The following CACNA1C variants were observed in gnomAD, a reference collection of about 807,000 sequenced individuals.
CACNA1C encodes the protein voltage-dependent L-type calcium channel subunit alpha-1C.
In CACNA1C, 30 loss-of-function variants were observed where a neutral mutation model predicts 229.0. The observed-to-expected ratio is 0.13, with a 90% CI of 0.10 to 0.18. The LOEUF (loss-of-function observed/expected upper bound fraction) is 0.18. Among genes scored for constraint, CACNA1C ranks in the 10% least tolerant of loss-of-function variants. CACNA1C has a pLI of 1.00. For missense variants in CACNA1C, 1,658 were observed against 2,845.0 expected (o/e 0.58, Z 9.49); for synonymous variants, 1,114 against 1,132.5 (o/e 0.98, Z 0.33).
intron 3 of CACNA1C, among the ~76,000 whole-genome samples, chr12:2,335,875 GT>G (rs759740740): frequency 9.9e-5 from 15 of 151,830 alleles, no homozygotes; most frequent in African/African-American, 2.7e-4. Context: ...TGGTATAGAT[GT>G]TTTTCCCAAA....
At position 2,493,275 on chromosome 12, in the gene CACNA1C, C is replaced by T. The variant is rs112002520; in HGVS notation, c.1002C>T (p.Pro334=). The T allele has an allele frequency of 1.9e-4, 302 of 1,614,036 alleles. No individual in the cohort carries two copies. The highest frequency in any genetic ancestry group is 1.2e-3 in the East Asian group (56 of 44,876). The change falls in exon 7 of 47, where the codon CCC becomes CCT. Residue 334 remains proline, a synonymous_variant. Transcript: ENST00000399655. The surrounding 1 kb of genome is among the most constrained non-coding windows in gnomAD (Gnocchi z 4.6). Reference sequence around the variant, plus strand: ...GCCAGAACGGCACGGTGTGCAAGCCCGGCTGGGATGGTCCCAAGCACGGCA... The same window carrying T: ...GCCAGAACGGCACGGTGTGCAAGCCTGGCTGGGATGGTCCCAAGCACGGCA... The part of the protein sequence containing the change: ...RQCQNGTVCK[P]GWDGPKHGIT...
intron 31 of CACNA1C, among the ~76,000 whole-genome samples, chr12:2,650,671 C>A (rs931602457): frequency 6.6e-6 from 1 of 152,154 alleles, no homozygotes; most frequent in Admixed American, 6.5e-5. Flanking sequence ...GCCCGTCCTG[C>A]CCCCTGAGCC....
At chr12:2,484,717 G>A (rs2154570322) in intron 5 of CACNA1C, among the ~76,000 whole-genome samples, 1 of 122,176 alleles carries the variant, frequency 8.2e-6, no homozygotes, top group South Asian at 2.6e-4. Flanking sequence ...CCCACCCCCA[G>A]CAGATGCCCT....
chr12:2,128,346 C>T (rs1345054502), intron 3 of CACNA1C, among the ~76,000 whole-genome samples: 1 of 152,080 alleles, frequency 6.6e-6, no homozygotes, highest in Non-Finnish European at 1.5e-5. Flanking sequence ...TAAAAACAAA[C>T]AAAATTTGGT....
chr12:2,549,902 C>A, intron 9 of CACNA1C, 41 bp from the exon 10 acceptor site: 1 of 1,417,024 alleles, frequency 7.1e-7, no homozygotes, highest in Non-Finnish European at 9.8e-7. Context: ...CTTGTCTCCC[C>A]ACCCTCAATG....
At chr12:2,606,860 A>G (rs900531482) in intron 25 of CACNA1C, 124 bp from the exon 26 acceptor site, 3 of 1,187,824 alleles carry the variant, frequency 2.5e-6, no homozygotes, top group Admixed American at 2.1e-5. Context: ...AGCTCCTCCC[A>G]TGGCTAGAAC....
chr12:2,437,430 A>G lies in CACNA1C; in HGVS notation c.478-11546A>G, dbSNP rs143125236. Among the ~76,000 whole-genome samples the G allele has an allele frequency of 2.6e-5, 4 of 152,344 alleles. No homozygotes were observed. In the East Asian group the frequency reaches 5.8e-4, roughly 22 times the overall value. On this transcript the variant is annotated intron_variant, in intron 3 of 46. Coordinates refer to ENST00000399655, the MANE Select transcript of CACNA1C (RefSeq NM_000719.7). ...CCAGCTTTCCCTCTAATCACAAACA[A>G]TGGGAAAAAAACATTAAACTCAACA...
intron 5 of CACNA1C, among the ~76,000 whole-genome samples, chr12:2,471,607 G>C (rs2099593009): frequency 6.6e-6 from 1 of 152,066 alleles, no homozygotes; most frequent in Non-Finnish European, 1.5e-5. Flanking sequence ...TTGATTGACA[G>C]GTTTTTTTTT....
At position 2,513,569 on chromosome 12, in the gene CACNA1C, A is replaced by G. The variant is rs530987311; in HGVS notation, c.1390+585A>G. Among the ~76,000 whole-genome samples, 4 of 152,340 alleles carry G rather than the reference A, an allele frequency of 2.6e-5. No individual in the cohort carries two copies. In the South Asian group the frequency reaches 6.2e-4, roughly 24 times the overall value. On this transcript the variant is annotated intron_variant, in intron 9 of 46. Coordinates refer to ENST00000399655, the MANE Select transcript of CACNA1C (RefSeq NM_000719.7). ...CAATTAGGTGATGGAAGTTGAGCCA[A>G]TTCCCTTCCTTGGGGGTTCACGTGG...
At chr12:2,531,616 TTGGC>T (rs1196077698) in intron 9 of CACNA1C, among the ~76,000 whole-genome samples, 4 of 152,200 alleles carry the variant, frequency 2.6e-5, no homozygotes, top group Non-Finnish European at 5.9e-5. Context: ...TTCTCCCATC[TTGGC>T]CAGGCAGCAG....
chr12:2,500,118 CTCATCTG>C (rs953402309), intron 7 of CACNA1C, among the ~76,000 whole-genome samples: 3 of 152,178 alleles, frequency 2.0e-5, no homozygotes, highest in African/African-American at 7.2e-5. Context: ...GTCTCCATCT[CTCATCTG>C]TCCTCCTGCT....
Position 2,679,372 on chromosome 12 carries a change from C to A in CACNA1C, c.5092-72C>A. ...CAGGCCCTGCACTTCCCTGACCTGGCTGTGGAGGCTGCTCTCTGGGAGGAG... is the reference window on the plus strand; with the variant it reads ...CAGGCCCTGCACTTCCCTGACCTGGATGTGGAGGCTGCTCTCTGGGAGGAG... On this transcript the variant is annotated intron_variant, in intron 41 of 46. Coordinates refer to ENST00000399655, the MANE Select transcript of CACNA1C (RefSeq NM_000719.7). The surrounding 1 kb of genome is among the most constrained non-coding windows in gnomAD (Gnocchi z 5.5). The A allele has an allele frequency of 8.7e-7, 1 of 1,149,854 alleles. No homozygotes were observed. The highest frequency in any genetic ancestry group is 1.2e-6 in the Non-Finnish European group (1 of 826,304). The allele number at this position is 1,149,854 out of a possible 1,614,324, so 71.2% of individuals were successfully genotyped here.
chr12:2,547,559 G>C, intron 9 of CACNA1C: 1 of 778,030 alleles, frequency 1.3e-6, no homozygotes, highest in Non-Finnish European at 2.4e-6. Context: ...GTGTAAATGC[G>C]TGTGGGTGCA....
At chr12:2,440,661 C>T (rs2099214728) in intron 3 of CACNA1C, among the ~76,000 whole-genome samples, 1 of 152,222 alleles carries the variant, frequency 6.6e-6, no homozygotes, top group Non-Finnish European at 1.5e-5. Context: ...GGGTTTCAGA[C>T]AGTCCATGGA....
Position 2,202,361 on chromosome 12 carries a change from C to T in CACNA1C, c.477+81931C>T, listed in dbSNP as rs143030298. 7.9e-5 allele frequency among the ~76,000 whole-genome samples: 12 copies of T among 152,314 alleles called. No individual in the cohort carries two copies. The East Asian group carries it at 1.2e-3, about 15-fold the overall frequency. ...TCCTAATTTCATGAAGCCTGGTCCCCGTTTGCCTCCAGCTAATCAATGCTA... is the reference window on the plus strand; with the variant it reads ...TCCTAATTTCATGAAGCCTGGTCCCTGTTTGCCTCCAGCTAATCAATGCTA... On this transcript the variant is annotated intron_variant, in intron 3 of 46. Coordinates refer to ENST00000399655, the MANE Select transcript of CACNA1C (RefSeq NM_000719.7).
intron 1 of CACNA1C, among the ~76,000 whole-genome samples, chr12:2,071,172 C>CCCTCCCTCCCTTCCTGCCTGCCTGCCTG (rs1555115765): frequency 1.2e-4 from 2 of 16,042 alleles, no homozygotes; most frequent in African/African-American, 3.9e-4. Flanking sequence ...CTCCCTCCCT[C>CCCTCCCTCCCTTCCTGCCTGCCTGCCTG]CCTGCCTGCC....
intron 46 of CACNA1C, 24 bp downstream of exon 46, chr12:2,688,803 G>A (rs556287674): frequency 2.0e-6 from 3 of 1,468,868 alleles, no homozygotes; most frequent in South Asian, 1.4e-5. Flanking sequence ...AGATGGGCAG[G>A]GGGGAGAGGC....
chr12:2,588,832 A>G (rs576825892), intron 18 of CACNA1C, among the ~76,000 whole-genome samples: 6 of 152,336 alleles, frequency 3.9e-5, no homozygotes, highest in Admixed American at 3.9e-4. Flanking sequence ...AGATGTTTGC[A>G]AGAGCCACTA....
chr12:2,682,754 G>A (rs1325517341), intron 43 of CACNA1C, 76 bp downstream of exon 43: 8 of 1,472,560 alleles, frequency 5.4e-6, no homozygotes, highest in African/African-American at 1.5e-5. Context: ...AGGTCCCTGA[G>A]ATCCCTCCTC....
Sources: allele counts gnomAD v4.1 joint callset (sites outside exome capture counted in the v4.1 genomes callset), GRCh38; gene constraint gnomAD v4.1.1; non-coding constraint Gnocchi (gnomAD v3.1); transcripts MANE v1.5; gene names NCBI Gene and HGNC (gene_info 2026-07-23, HGNC 2026-07-21).